MAP3K20: variants seen among roughly 807,000 people sequenced by gnomAD.
MAP3K20 encodes the protein HCCS-4.
In MAP3K20, 40 loss-of-function variants were observed where a neutral mutation model predicts 85.7. The observed-to-expected ratio is 0.47, with a 90% CI of 0.36 to 0.61. MAP3K20 has a LOEUF of 0.61. Among genes scored for constraint, MAP3K20 ranks in the 20% least tolerant of loss-of-function variants. MAP3K20 has a pLI of 0.00. For missense variants in MAP3K20, 817 were observed against 961.7 expected (o/e 0.85, Z 1.99); for synonymous variants, 325 against 327.7 (o/e 0.99, Z 0.09).
intron 17 of MAP3K20, among the ~76,000 whole-genome samples, chr2:173,259,632 T>C (rs999576343): frequency 2.6e-4 from 40 of 152,178 alleles, no homozygotes; most frequent in Admixed American, 2.0e-4. Flanking sequence ...GGAACTAAAA[T>C]GGTTCTTCAA....
At chr2:173,157,938 A>T (rs1171256655) in intron 2 of MAP3K20, among the ~76,000 whole-genome samples, 1 of 152,148 alleles carries the variant, frequency 6.6e-6, no homozygotes, top group African/African-American at 2.4e-5. Flanking sequence ...AACTTTCTAG[A>T]CCAGTTAATT....
intron 9 of MAP3K20, among the ~76,000 whole-genome samples, chr2:173,206,535 C>T (rs1683692172): frequency 6.6e-6 from 1 of 152,220 alleles, no homozygotes; most frequent in Non-Finnish European, 1.5e-5. Flanking sequence ...TACATACTTT[C>T]ATTCCCAAAC....
chr2:173,258,926 C>T (rs971113098), intron 17 of MAP3K20, 111 bp downstream of exon 17: 2 of 596,200 alleles, frequency 3.4e-6, no homozygotes, highest in Admixed American at 3.2e-5. Context: ...CACATCAGCT[C>T]AGCCTCGAGC....
intron 2 of MAP3K20, among the ~76,000 whole-genome samples, chr2:173,159,588 C>T (rs1689587946): frequency 6.6e-6 from 1 of 152,082 alleles, no homozygotes; most frequent in Non-Finnish European, 1.5e-5. Flanking sequence ...TAGGGTCTCA[C>T]TATGTTGCCC....
At position 173,249,385 on chromosome 2, in the gene MAP3K20, T is replaced by C. The variant is rs971928183; in HGVS notation, c.1360-9314T>C. Among the ~76,000 whole-genome samples, 6 of 152,192 alleles carry C rather than the reference T, an allele frequency of 3.9e-5. No individual in the cohort carries two copies. The East Asian group carries it at 9.6e-4, about 24-fold the overall frequency. On this transcript the variant is annotated intron_variant, in intron 16 of 19. Coordinates refer to ENST00000375213, the MANE Select transcript of MAP3K20 (RefSeq NM_016653.3). ...TGAAGTAAAATTAAAAAGCACTATG[T>C]TGGAAAATCAAGGATGTAGGACAAC...
chr2:173,088,157 G>A (rs1485294242), intron 1 of MAP3K20, among the ~76,000 whole-genome samples: 3 of 152,224 alleles, frequency 2.0e-5, no homozygotes, highest in Admixed American at 2.0e-4. Context: ...TGTTAGGAGT[G>A]TAAAAAGCTA....
At chr2:173,265,923 A>T in intron 19 of MAP3K20, 127 bp from the exon 20 acceptor site, 1 of 942,752 alleles carries the variant, frequency 1.1e-6, no homozygotes, top group Non-Finnish European at 1.6e-6. Context: ...TACATAGCCT[A>T]GAATTTCTAT....
intron 19 of MAP3K20, among the ~76,000 whole-genome samples, chr2:173,265,466 C>T (rs1685398364): frequency 6.6e-6 from 1 of 152,230 alleles, no homozygotes; most frequent in South Asian, 2.1e-4. Context: ...GCCTCAGGAT[C>T]TCTCCTGTGG....
chr2:173,103,948 C>T (rs902135463), intron 2 of MAP3K20, among the ~76,000 whole-genome samples: 2 of 152,064 alleles, frequency 1.3e-5, no homozygotes, highest in Admixed American at 6.6e-5. Flanking sequence ...TTATTACATG[C>T]TAGGTACTAT....
chr2:173,127,554 A>G (rs1688477678), intron 2 of MAP3K20, among the ~76,000 whole-genome samples: 1 of 152,236 alleles, frequency 6.6e-6, no homozygotes, highest in African/African-American at 2.4e-5. Flanking sequence ...GATAGGAGAA[A>G]AAGTTAAAAT....
intron 19 of MAP3K20, 50 bp from the exon 20 acceptor site, chr2:173,265,999 CA>C (rs1425159860): frequency 6.7e-7 from 1 of 1,503,152 alleles, no homozygotes; most frequent in South Asian, 1.3e-5. Context: ...ATGAATTAGA[CA>C]TGCAGCTTTA....
At chr2:173,118,473 T>TTGG (rs1688186769) in intron 2 of MAP3K20, among the ~76,000 whole-genome samples, 1 of 152,158 alleles carries the variant, frequency 6.6e-6, no homozygotes, top group Non-Finnish European at 1.5e-5. Flanking sequence ...TTTTGGTTTT[T>TTGG]TGAGGGGGGT....
At chr2:173,099,217 A>G (rs1687552736) in intron 2 of MAP3K20, among the ~76,000 whole-genome samples, 1 of 151,960 alleles carries the variant, frequency 6.6e-6, no homozygotes. Context: ...CAATACTTTC[A>G]AATTCCAGCC....
At chr2:173,223,595 G>C (rs891109698) in intron 11 of MAP3K20, 68 of 985,300 alleles carry the variant, frequency 6.9e-5, no homozygotes, top group Non-Finnish European at 3.1e-5. Flanking sequence ...AACATGCTTA[G>C]AATGTAAGCT....
chr2:173,217,380 T>A, intron 11 of MAP3K20, 130 bp downstream of exon 11: 1 of 1,129,338 alleles, frequency 8.9e-7, no homozygotes, highest in Non-Finnish European at 1.2e-6. Context: ...GCCCGTGTAT[T>A]AAAGGGCCCG....
rs1356954022 is a variant in MAP3K20, at chr2:173,263,804, A to T, written c.1611A>T (p.Thr537=). The change falls in exon 19 of 20, where the codon ACA becomes ACT. Residue 537 remains threonine (T), a synonymous_variant. Transcript: ENST00000375213. ...KHVHSIQWSR[T]KPQDEVKAVQ... ...TCCATTCGATTCAGTGGAGTAGAAC[A>T]AAACCTCAGGATGAAGTGAAAGCAG... is the stretch of plus-strand genomic sequence containing the variant. 1 of 1,613,824 alleles carries T rather than the reference A, an allele frequency of 6.2e-7. No individual in the cohort carries two copies.
rs1020824780 is a variant in MAP3K20 at position 173,250,818 on chromosome 2, TA to T, written c.1360-7872del. ...AGTTTCTTGTGGATTTCTTTTTGGT[TA>T]AAAAAAAACAAATCTCATGGGACAA... On this transcript the variant is annotated intron_variant, in intron 16 of 19. Coordinates refer to ENST00000375213, the MANE Select transcript of MAP3K20 (RefSeq NM_016653.3). 9.9e-5 allele frequency among the ~76,000 whole-genome samples: 15 copies of T among 151,144 alleles called. No homozygotes were observed. In the East Asian group the frequency reaches 2.1e-3, roughly 21 times the overall value.
chr2:173,108,731 C>G (rs1223993311), intron 2 of MAP3K20, among the ~76,000 whole-genome samples: 1 of 152,030 alleles, frequency 6.6e-6, no homozygotes, highest in African/African-American at 2.4e-5. Flanking sequence ...AAATGAAATG[C>G]CTTCGACCTA....
intron 7 of MAP3K20, among the ~76,000 whole-genome samples, chr2:173,195,839 T>C (rs1229870177): frequency 6.6e-6 from 1 of 152,186 alleles, no homozygotes; most frequent in Non-Finnish European, 1.5e-5. Flanking sequence ...CTCCCTCAGC[T>C]GTAGTAGCTC....
Sources: gnomAD v4.1 joint callset for allele counts (sites outside exome capture counted in the v4.1 genomes callset) on GRCh38, gnomAD v4.1.1 for gene constraint, MANE v1.5 for transcripts, NCBI Gene and HGNC (gene_info 2026-07-23, HGNC 2026-07-21) for gene names.